Variants in SRP72 observed in about 807,000 individuals in gnomAD.
SRP72 encodes signal recognition particle 72, also known as signal recognition particle subunit SRP72.
SRP72 carries 49 observed loss-of-function variants against 96.3 expected under a neutral mutation model. The observed-to-expected ratio is 0.51, with a 90% CI of 0.40 to 0.65. The LOEUF is 0.65. SRP72 is among the 30% of genes least tolerant of loss of function. The pLI, the probability that SRP72 is intolerant of heterozygous loss-of-function variation, is 0.00. For missense variants in SRP72, 736 were observed against 793.3 expected (o/e 0.93, Z 0.87); for synonymous variants, 267 against 275.2 (o/e 0.97, Z 0.30).
intron 2 of SRP72, 103 bp downstream of exon 2, chr4:56,469,876 T>G: frequency 1.7e-6 from 2 of 1,157,610 alleles, no homozygotes; most frequent in Non-Finnish European, 2.3e-6. Context: ...TTTTTTAACG[T>G]TTTTTTCCTT....
intron 18 of SRP72, among the ~76,000 whole-genome samples, chr4:56,501,475 A>G (rs919955487): frequency 6.6e-6 from 1 of 152,160 alleles, no homozygotes; most frequent in Admixed American, 6.6e-5. Context: ...AAAACTTGGC[A>G]TGTGTACCAT....
At chr4:56,489,934 T>C (rs577024612) in intron 13 of SRP72, among the ~76,000 whole-genome samples, 6 of 152,326 alleles carry the variant, frequency 3.9e-5, no homozygotes, top group African/African-American at 1.2e-4. Context: ...CTTAAAATTA[T>C]ACATACGCTG....
At position 56,474,139 on chromosome 4, in the gene SRP72, G is replaced by C; in HGVS notation, c.440G>C (p.Arg147Thr). ...TCCCAAGATGATTATGATGAGGAGA[G>C]GAAAACAAACCTTTCAGCAGTTGTT... ...RNSQDDYDEE[R>T]KTNLSAVVAA... Residue 147 changes from arginine (R) to threonine (T), a missense_variant, in exon 4 of 19, where the codon AGG becomes ACG. By Grantham distance (71) the Arg-to-Thr change is moderately conservative. Around this residue, in one of 3 missense-constraint regions of SRP72, gnomAD observed 329 missense variants for 319.0 expected, o/e 1.03. Transcript: ENST00000642900. 6.2e-7 allele frequency: 1 copy of C among 1,614,212 alleles called. No individual in the cohort carries two copies. Among genetic ancestry groups the C allele is most frequent in the Non-Finnish European group, 8.5e-7 (1 of 1,180,032 alleles).
chr4:56,498,989 C>T (rs1007234605), intron 17 of SRP72, among the ~76,000 whole-genome samples: 11 of 152,122 alleles, frequency 7.2e-5, no homozygotes, highest in South Asian at 2.1e-4. Flanking sequence ...CAAAGCTGGA[C>T]GCATCATGCT....
At chr4:56,483,072 T>C in intron 8 of SRP72, 67 bp from the exon 9 acceptor site, 1 of 1,484,272 alleles carries the variant, frequency 6.7e-7, no homozygotes, top group Non-Finnish European at 9.2e-7. Context: ...CTATATAAAG[T>C]TAATAGAAAA....
intron 15 of SRP72, 50 bp downstream of exon 15, chr4:56,490,695 C>G (rs1341238295): frequency 1.4e-6 from 2 of 1,435,884 alleles, no homozygotes; most frequent in Non-Finnish European, 2.0e-6. Context: ...CACAATAGAT[C>G]TCTTCTGATA....
At chr4:56,471,972 T>A in intron 3 of SRP72, 129 bp downstream of exon 3, 1 of 1,093,334 alleles carries the variant, frequency 9.1e-7, no homozygotes, top group Non-Finnish European at 1.3e-6. Flanking sequence ...AACCAGTCCT[T>A]AAGGTTTGAA....
chr4:56,483,646 G>A (rs1307698393), intron 9 of SRP72, among the ~76,000 whole-genome samples: 1 of 151,456 alleles, frequency 6.6e-6, no homozygotes, highest in African/African-American at 2.4e-5. Context: ...TCCAGCCTGG[G>A]CAACAGAGAG....
At chr4:56,499,316 T>G (rs979041632) in intron 17 of SRP72, among the ~76,000 whole-genome samples, 3 of 152,168 alleles carry the variant, frequency 2.0e-5, no homozygotes, top group Admixed American at 1.3e-4. Flanking sequence ...GACATAGGCA[T>G]GGGCAAGAAC....
Position 56,500,521 on chromosome 4 carries a change from A to G in SRP72, c.1679-15A>G, listed in dbSNP as rs750223380. ...ATTATGACACATCTCTCATTTCTTT[A>G]TAATCGTTATGCAGGAAAATTGCCT... On this transcript the variant is annotated splice_polypyrimidine_tract_variant and intron_variant, in intron 17 of 18. Coordinates refer to ENST00000642900, the MANE Select transcript of SRP72 (RefSeq NM_006947.4). The G allele has an allele frequency of 6.8e-6, 11 of 1,610,196 alleles. No individual in the cohort carries two copies. In the Middle Eastern group the frequency reaches 5.4e-4, roughly 79 times the overall value.
chr4:56,477,299 C>CTTTTTTTTTTTTTTT (rs1720276211), intron 6 of SRP72: 8 of 97,274 alleles, frequency 8.2e-5, no homozygotes, highest in African/African-American at 2.7e-4. Flanking sequence ...CTCTCTCTCT[C>CTTTTTTTTTTTTTTT]TCTTTTTTTT....
intron 18 of SRP72, 137 bp from the exon 19 acceptor site, chr4:56,501,547 T>G: frequency 1.5e-6 from 1 of 688,026 alleles, no homozygotes; most frequent in East Asian, 2.8e-5. Context: ...CGATAGGGAG[T>G]TGGGGAGCTT....
At chr4:56,481,357 TACTC>T (rs542705942) in intron 8 of SRP72, among the ~76,000 whole-genome samples, 192 of 152,368 alleles carry the variant, frequency 1.3e-3, no homozygotes, top group African/African-American at 4.1e-3. Context: ...ACAAAGTAGA[TACTC>T]ACATGCTCAG....
intron 5 of SRP72, chr4:56,475,894 C>T (rs1216467318): frequency 1.3e-5 from 2 of 151,982 alleles, no homozygotes; most frequent in Non-Finnish European, 1.5e-5. Context: ...TTCATAAGAA[C>T]AGAAATTTAG....
intron 18 of SRP72, among the ~76,000 whole-genome samples, chr4:56,501,147 C>T (rs1721250858): frequency 2.0e-5 from 3 of 152,142 alleles, no homozygotes. Flanking sequence ...GTGGCTCACG[C>T]CTGTAATCCC....
In SRP72 at chr4:56,491,511, C is replaced by G. The variant is rs1720905963; in HGVS notation, c.1583C>G (p.Thr528Arg). ...VEALENSAGA[T>R]YIRKKGGKVT... ...GCTCTTGAAAATTCTGCTGGTGCTA[C>G]ATACATTCGGAAGAAGGGTGGAAAA... Residue 528 changes from threonine (T) to arginine (R), a missense_variant, in exon 16 of 19, where the codon ACA (threonine) becomes AGA (arginine). Physicochemically the swap from Thr to Arg is moderately conservative, Grantham distance 71. Coordinates refer to ENST00000642900, the MANE Select transcript of SRP72 (RefSeq NM_006947.4). 2 of 1,613,942 alleles carry G rather than the reference C, an allele frequency of 1.2e-6. No homozygotes were observed. Among genetic ancestry groups the G allele is most frequent in the Non-Finnish European group, 1.7e-6 (2 of 1,179,906 alleles).
intron 17 of SRP72, among the ~76,000 whole-genome samples, chr4:56,500,026 T>C (rs1039096430): frequency 6.6e-6 from 1 of 151,818 alleles, no homozygotes; most frequent in East Asian, 1.9e-4. Flanking sequence ...ATCAATACTA[T>C]GCAGCCATAA....
At chr4:56,473,441 G>A (rs563714307) in intron 3 of SRP72, among the ~76,000 whole-genome samples, 1 of 147,592 alleles carries the variant, frequency 6.8e-6, no homozygotes, top group Admixed American at 6.8e-5. Flanking sequence ...CTGGGTGACA[G>A]AGCGAGACTC....
intron 3 of SRP72, among the ~76,000 whole-genome samples, chr4:56,472,401 A>G (rs1720012499): frequency 6.9e-6 from 1 of 144,582 alleles, no homozygotes; most frequent in Admixed American, 7.1e-5. Context: ...GCTGGAGTGC[A>G]GTGGCACTAT....
Sources: allele counts gnomAD v4.1 joint callset (sites outside exome capture counted in the v4.1 genomes callset), GRCh38; gene constraint gnomAD v4.1.1; regional missense constraint gnomAD v4.1.1; transcripts MANE v1.5; gene names NCBI Gene and HGNC (gene_info 2026-07-23, HGNC 2026-07-21).